APBA1: variants seen among roughly 807,000 people sequenced by gnomAD.
APBA1 encodes amyloid-beta A4 precursor protein-binding family A member 1.
In APBA1, 55 loss-of-function variants were observed where a neutral mutation model predicts 86.6. The ratio of observed to expected loss-of-function variants is 0.64; its 90% CI spans 0.51 to 0.80. The LOEUF (loss-of-function observed/expected upper bound fraction) is 0.80. Ranked by LOEUF, APBA1 falls within the 30% of genes least tolerant of loss-of-function variation. The probability of loss-of-function intolerance (pLI) is 0.00; values close to 1 mark genes in which losing one functional copy is unlikely to be tolerated. For synonymous variants in APBA1, 511 were observed against 493.9 expected, an observed-to-expected ratio of 1.03 and a Z score of -0.46; for missense variants, 1,090 against 1,183.0, an observed-to-expected ratio of 0.92 and a Z score of 1.15.
At chr9:69,466,079 C>T (rs1408401959) in intron 5 of APBA1, among the ~76,000 whole-genome samples, 2 of 152,166 alleles carry the variant, frequency 1.3e-5, no homozygotes, top group Non-Finnish European at 2.9e-5. Flanking sequence ...ACGGCATGGG[C>T]TTTACTGTCC....
chr9:69,595,987 TC>T lies in APBA1; in HGVS notation c.-70+76165del, dbSNP rs551838343. Among the ~76,000 whole-genome samples the T allele has an allele frequency of 2.3e-3, 347 of 151,974 alleles. 3 individuals are homozygous for T. Among genetic ancestry groups the T allele is most frequent in the Non-Finnish European group, 3.5e-3 (241 of 67,948 alleles). ...TGATTGATTGTTTTGTTTTTTTGCA[TC>T]CCCCCCACCCCTTTTGGGAGACAAG... On this transcript the variant is annotated intron_variant, in intron 1 of 12. Coordinates refer to ENST00000265381, the MANE Select transcript of APBA1 (RefSeq NM_001163.4).
intron 1 of APBA1, among the ~76,000 whole-genome samples, chr9:69,592,411 C>T (rs1045271508): frequency 6.6e-5 from 10 of 152,098 alleles, no homozygotes; most frequent in African/African-American, 2.2e-4. Flanking sequence ...GCCTGGGTAA[C>T]ATAGTGAGGC....
chr9:69,585,927 G>A (rs1228379514), intron 1 of APBA1, among the ~76,000 whole-genome samples: 1 of 152,048 alleles, frequency 6.6e-6, no homozygotes, highest in African/African-American at 2.4e-5. Context: ...GCGACCTGCT[G>A]GCAACCTGTC....
intron 2 of APBA1, among the ~76,000 whole-genome samples, chr9:69,495,947 G>T (rs1186098921): frequency 6.6e-6 from 1 of 152,094 alleles, no homozygotes; most frequent in Non-Finnish European, 1.5e-5. Context: ...TCATGCTGCA[G>T]TCTGAATAAG....
At chr9:69,535,798 T>G (rs926806190) in intron 1 of APBA1, among the ~76,000 whole-genome samples, 3 of 152,166 alleles carry the variant, frequency 2.0e-5, no homozygotes, top group Non-Finnish European at 4.4e-5. Flanking sequence ...AGCTAAAAGC[T>G]CTTTCTTTTC....
intron 1 of APBA1, among the ~76,000 whole-genome samples, chr9:69,602,310 G>C (rs929609644): frequency 3.9e-5 from 6 of 152,150 alleles, no homozygotes; most frequent in Admixed American, 2.0e-4. Flanking sequence ...GGTTGCTCAA[G>C]CCTGTAATCC....
At chr9:69,448,897 C>T (rs1175895954) in intron 10 of APBA1, among the ~76,000 whole-genome samples, 2 of 152,240 alleles carry the variant, frequency 1.3e-5, no homozygotes, top group Non-Finnish European at 2.9e-5. Flanking sequence ...AAAAACTCCA[C>T]ATGAATGCTT....
intron 2 of APBA1, among the ~76,000 whole-genome samples, chr9:69,509,153 C>A (rs1181604572): frequency 6.6e-6 from 1 of 152,096 alleles, no homozygotes; most frequent in African/African-American, 2.4e-5. Context: ...AAAGGATCAA[C>A]AAAACTGATA....
intron 1 of APBA1, among the ~76,000 whole-genome samples, chr9:69,579,476 ATGAAGGCAGG>A (rs2133955233): frequency 6.6e-6 from 1 of 152,294 alleles, no homozygotes; most frequent in South Asian, 2.1e-4. Context: ...CTCATTTACA[ATGAAGGCAGG>A]AGCTACATTT....
At chr9:69,650,042 C>G (rs1823467516) in intron 1 of APBA1, among the ~76,000 whole-genome samples, 1 of 152,172 alleles carries the variant, frequency 6.6e-6, no homozygotes, top group African/African-American at 2.4e-5. Flanking sequence ...CTGCCTCCTC[C>G]CCCATGAATA....
chr9:69,466,510 T>C (rs1170417503), intron 5 of APBA1, among the ~76,000 whole-genome samples: 1 of 152,194 alleles, frequency 6.6e-6, no homozygotes, highest in East Asian at 1.9e-4. Flanking sequence ...ATCTGCAGGC[T>C]TCCCCTGCAC....
chr9:69,625,745 C>T (rs568391660), intron 1 of APBA1, among the ~76,000 whole-genome samples: 11 of 152,126 alleles, frequency 7.2e-5, no homozygotes, highest in Non-Finnish European at 8.8e-5. Flanking sequence ...AAAAGCATTA[C>T]TAAAATTTGA....
At chr9:69,450,056 G>GT (rs58417611) in intron 9 of APBA1, among the ~76,000 whole-genome samples, 2,223 of 94,128 alleles carry the variant, frequency 0.024, 67 homozygotes, top group East Asian at 0.037. Flanking sequence ...AGGACCACCA[G>GT]TTTTTTTTTT....
chr9:69,668,387 T>G (rs115742081), intron 1 of APBA1, among the ~76,000 whole-genome samples: 4,215 of 152,272 alleles, frequency 0.028, 223 homozygotes, highest in African/African-American at 0.095. Flanking sequence ...CCAGTGACTG[T>G]TCAAGCTCCT....
chr9:69,556,782 A>G (rs919201267), intron 1 of APBA1, among the ~76,000 whole-genome samples: 1 of 152,224 alleles, frequency 6.6e-6, no homozygotes, highest in Non-Finnish European at 1.5e-5. Flanking sequence ...AAACAGACTG[A>G]TATCTAATGT....
intron 1 of APBA1, among the ~76,000 whole-genome samples, chr9:69,658,264 C>CTT (rs780260549): frequency 0.03 from 1,948 of 65,858 alleles, 53 homozygotes; most frequent in East Asian, 0.15. Context: ...TTCTTTCTTT[C>CTT]TTTCTTTCTT....
rs774468066 is a variant in APBA1, at chr9:69,658,294, T to TTCTC, written c.-70+13855_-70+13858dup. On this transcript the variant is annotated intron_variant, in intron 1 of 12. Transcript: ENST00000265381. Reference sequence around the variant, plus strand: ...TTTCTTTCTTTCTTTCTCTCTCTCTTTCTCTCTCTCTCTTTCTTTCTTTCT... The same window carrying TTCTC: ...TTTCTTTCTTTCTTTCTCTCTCTCTTTCTCTCTCTCTCTCTCTTTCTTTCTTTCT... 6.3e-4 allele frequency among the ~76,000 whole-genome samples: 28 copies of TTCTC among 44,586 alleles called. 1 individual carries two copies. The highest frequency in any genetic ancestry group is 9.8e-4 in the Admixed American group (4 of 4,084). The allele number at this position is 44,586 out of a possible 152,430, so 29.3% of individuals were successfully genotyped here. A position where few individuals can be genotyped will look rare whatever the true frequency, so the allele number is the denominator to read the frequency against.
intron 1 of APBA1, among the ~76,000 whole-genome samples, chr9:69,639,359 A>G (rs1823240959): frequency 6.6e-6 from 1 of 152,178 alleles, no homozygotes; most frequent in Non-Finnish European, 1.5e-5. Flanking sequence ...AGTAGTCCCA[A>G]TAGATTGAGG....
intron 1 of APBA1, among the ~76,000 whole-genome samples, chr9:69,540,753 C>T (rs996408650): frequency 2.6e-5 from 4 of 152,238 alleles, no homozygotes; most frequent in Admixed American, 6.5e-5. Flanking sequence ...CATGAACTAC[C>T]GCACCCGGCT....
Sources: allele counts gnomAD v4.1 joint callset (sites outside exome capture counted in the v4.1 genomes callset), GRCh38; gene constraint gnomAD v4.1.1; transcripts MANE v1.5; gene names NCBI Gene and HGNC (gene_info 2026-07-23, HGNC 2026-07-21).